The following EPHA4 variants were observed in gnomAD, a reference collection of about 807,000 sequenced individuals.
The protein encoded by EPHA4 is ephrin type-A receptor 4.
In EPHA4, 19 loss-of-function variants were observed where a neutral mutation model predicts 108.3. That is an observed-to-expected ratio of 0.18 (90% CI 0.12 to 0.26). The LOEUF (loss-of-function observed/expected upper bound fraction) is 0.26, where lower values mean the gene tolerates loss of function less well. Ranked by LOEUF, EPHA4 falls within the 10% of genes least tolerant of loss-of-function variation. The probability of loss-of-function intolerance (pLI) is 1.00; values close to 1 mark genes in which losing one functional copy is unlikely to be tolerated. For synonymous variants in EPHA4, 449 were observed against 455.5 expected (o/e 0.99, Z 0.18); for missense variants, 917 against 1,254.0 (o/e 0.73, Z 4.06).
At chr2:221,427,603 G>A (rs1039794121) in intron 15 of EPHA4, among the ~76,000 whole-genome samples, 1 of 152,046 alleles carries the variant, frequency 6.6e-6, no homozygotes, top group East Asian at 1.9e-4. Flanking sequence ...TTAAGTCATA[G>A]TTTTTGAACT....
chr2:221,570,904 T>C (rs1054099833), intron 1 of EPHA4, among the ~76,000 whole-genome samples: 3 of 151,214 alleles, frequency 2.0e-5, no homozygotes, highest in African/African-American at 7.3e-5. Context: ...GATGCATGGA[T>C]GGATAGATAG....
At chr2:221,468,649 C>T (rs191616008) in intron 5 of EPHA4, among the ~76,000 whole-genome samples, 1 of 152,294 alleles carries the variant, frequency 6.6e-6, no homozygotes, top group African/African-American at 2.4e-5. Context: ...TAGATGCACC[C>T]AGTAAATCTT....
At chr2:221,487,862 A>G (rs555183447) in intron 4 of EPHA4, among the ~76,000 whole-genome samples, 1 of 152,136 alleles carries the variant, frequency 6.6e-6, no homozygotes, top group East Asian at 1.9e-4. Flanking sequence ...ATGTTCAACT[A>G]TTTTAAAGTT....
chr2:221,434,262 C>A lies in EPHA4; in HGVS notation c.2376G>T (p.Ala792=). The A allele has an allele frequency of 1.2e-6, 2 of 1,614,044 alleles. No individual in the cohort carries two copies. The highest frequency in any genetic ancestry group is 1.7e-6 in the Non-Finnish European group (2 of 1,179,964). The change falls in exon 14 of 18, where the codon GCG becomes GCT. Residue 792 remains alanine (A), a synonymous_variant. Transcript: ENST00000281821. ...ATTTACGATAGGCAATTGCTTCTGG[C>A]GCAGTCCACCGGATAGGAATCTTGC... The part of the protein sequence containing the change: ...RGGKIPIRWT[A]PEAIAYRKFT...
chr2:221,489,284 A>G (rs1348267470), intron 4 of EPHA4, among the ~76,000 whole-genome samples: 11 of 152,260 alleles, frequency 7.2e-5, no homozygotes. Context: ...GGTTCTGCCA[A>G]AGGGCTTAAA....
chr2:221,558,591 C>T (rs1046715592), intron 3 of EPHA4, among the ~76,000 whole-genome samples: 1 of 152,050 alleles, frequency 6.6e-6, no homozygotes, highest in Non-Finnish European at 1.5e-5. Flanking sequence ...TAATTCATTT[C>T]TGAAAGATAC....
intron 5 of EPHA4, among the ~76,000 whole-genome samples, chr2:221,477,071 T>C (rs1287102878): frequency 2.0e-5 from 3 of 151,704 alleles, no homozygotes; most frequent in Non-Finnish European, 4.4e-5. Context: ...ATTATTATTA[T>C]TATTTTGCAG....
chr2:221,515,638 G>A (rs992482043), intron 3 of EPHA4, among the ~76,000 whole-genome samples: 3 of 152,052 alleles, frequency 2.0e-5, no homozygotes, highest in African/African-American at 7.2e-5. Context: ...AACATAGTGA[G>A]ACTCTGTCTC....
chr2:221,556,803 G>A (rs1303496627), intron 3 of EPHA4, among the ~76,000 whole-genome samples: 2 of 152,052 alleles, frequency 1.3e-5, no homozygotes, highest in African/African-American at 4.8e-5. Context: ...AAGATATATT[G>A]TTATAATTGT....
At chr2:221,427,781 A>C (rs1689955840) in intron 15 of EPHA4, among the ~76,000 whole-genome samples, 1 of 152,200 alleles carries the variant, frequency 6.6e-6, no homozygotes, top group African/African-American at 2.4e-5. Context: ...AGTCGATATA[A>C]TGCTTTACTT....
chr2:221,494,844 G>A (rs779739086), intron 4 of EPHA4, among the ~76,000 whole-genome samples: 3 of 152,020 alleles, frequency 2.0e-5, no homozygotes, highest in Non-Finnish European at 4.4e-5. Flanking sequence ...AAGGGAAAGA[G>A]CTAGTCATTC....
At chr2:221,564,541 T>TGGGAGCACCAATCATCA in intron 2 of EPHA4, 147 bp from the exon 3 acceptor site, 1 of 764,254 alleles carries the variant, frequency 1.3e-6, no homozygotes, top group Admixed American at 2.7e-5. Context: ...TAATAAAGGA[T>TGGGAGCACCAATCATCA]CTTATGGGAG....
At chr2:221,511,619 A>G (rs578186647) in intron 3 of EPHA4, among the ~76,000 whole-genome samples, 1 of 152,092 alleles carries the variant, frequency 6.6e-6, no homozygotes, top group East Asian at 1.9e-4. Context: ...GCCAATTCAC[A>G]TATCATTCAT....
rs760082018 is a variant in EPHA4, at chr2:221,443,526, A to G, written c.1855T>C (p.Ser619Pro). 5.6e-6 allele frequency: 9 copies of G among 1,613,994 alleles called. No homozygotes were observed. The highest frequency in any genetic ancestry group is 7.6e-6 in the Non-Finnish European group (9 of 1,179,960). ...VREFAKEIDA[S>P]CIKIEKVIGV... ...ATAACTTTTTCAATCTTAATGCAGGATGCGTCAATTTCTTTGGCAAACTCT... is the reference window on the plus strand; with the variant it reads ...ATAACTTTTTCAATCTTAATGCAGGGTGCGTCAATTTCTTTGGCAAACTCT... Residue 619 changes from serine to proline, a missense_variant, in exon 10 of 18, where the codon TCC (serine) becomes CCC (proline). By Grantham distance (74) the Ser-to-Pro change is moderately conservative. Coordinates refer to ENST00000281821, the MANE Select transcript of EPHA4 (RefSeq NM_004438.5).
chr2:221,469,142 G>A (rs557024052), intron 5 of EPHA4, among the ~76,000 whole-genome samples: 5 of 152,336 alleles, frequency 3.3e-5, no homozygotes, highest in African/African-American at 1.2e-4. Flanking sequence ...AAAAGAGTAT[G>A]TGTTGGATGA....
chr2:221,445,360 C>A (rs1333884724), intron 9 of EPHA4, among the ~76,000 whole-genome samples: 1 of 151,926 alleles, frequency 6.6e-6, no homozygotes, highest in African/African-American at 2.4e-5. Context: ...GAGGCCGAGG[C>A]GGGCGGATCA....
intron 4 of EPHA4, among the ~76,000 whole-genome samples, chr2:221,494,884 T>C (rs964789420): frequency 6.7e-6 from 1 of 148,452 alleles, no homozygotes; most frequent in African/African-American, 2.5e-5. Flanking sequence ...ATTTCATTAA[T>C]AAAAATCACA....
At chr2:221,432,147 G>GTA (rs201996569) in intron 14 of EPHA4, among the ~76,000 whole-genome samples, 22,747 of 148,760 alleles carry the variant, frequency 0.15, 2,260 homozygotes, top group African/African-American at 0.28. Context: ...ATATATGTGT[G>GTA]TATATATATA....
At chr2:221,549,851 C>T (rs995025883) in intron 3 of EPHA4, among the ~76,000 whole-genome samples, 1 of 152,072 alleles carries the variant, frequency 6.6e-6, no homozygotes, top group African/African-American at 2.4e-5. Context: ...ATTAGCCAGT[C>T]ATGGTGGCAT....
Sources: allele counts gnomAD v4.1 joint callset (sites outside exome capture counted in the v4.1 genomes callset), GRCh38; gene constraint gnomAD v4.1.1; transcripts MANE v1.5; gene names NCBI Gene and HGNC (gene_info 2026-07-23, HGNC 2026-07-21).